AP1S3: variants seen among roughly 807,000 people sequenced by gnomAD.
AP1S3 encodes adaptor related protein complex 1 subunit sigma 3.
In AP1S3, 10 loss-of-function variants were observed where a neutral mutation model predicts 20.9. That is an observed-to-expected ratio of 0.48 (90% CI 0.29 to 0.81). The LOEUF is 0.81. AP1S3 is among the 30% of genes least tolerant of loss of function. The pLI is 0.08. For missense variants in AP1S3, 154 were observed against 183.8 expected (o/e 0.84, Z 0.94); for synonymous variants, 41 against 61.5 (o/e 0.67, Z 1.56).
At chr2:223,833,041 T>C (rs1237001750) in intron 1 of AP1S3, among the ~76,000 whole-genome samples, 1 of 152,104 alleles carries the variant, frequency 6.6e-6, no homozygotes, top group African/African-American at 2.4e-5. Flanking sequence ...GTTATTCATG[T>C]TTCCAAAGGG....
Position 223,776,018 on chromosome 2 carries a change from G to T in AP1S3, c.183-9C>A. 6.2e-7 allele frequency: 1 copy of T among 1,609,022 alleles called. No individual in the cohort carries two copies. The highest frequency in any genetic ancestry group is 8.5e-7 in the Non-Finnish European group (1 of 1,176,226). Reference sequence around the variant, plus strand: ...AATATAAACTAGCATACCTTGAAATGAAAAATAACAAAAGCAAAATATGAC... The same window carrying T: ...AATATAAACTAGCATACCTTGAAATTAAAAATAACAAAAGCAAAATATGAC... On this transcript the variant is annotated splice_polypyrimidine_tract_variant and intron_variant, in intron 2 of 4. Coordinates refer to ENST00000396654, the MANE Select transcript of AP1S3 (RefSeq NM_001039569.2).
chr2:223,792,193 C>A (rs898862784), intron 1 of AP1S3, among the ~76,000 whole-genome samples: 2 of 152,180 alleles, frequency 1.3e-5, no homozygotes, highest in Admixed American at 6.5e-5. Flanking sequence ...ATAGCCAAGA[C>A]AATCCTAAGC....
rs139475867 is a variant in AP1S3, at chr2:223,786,786, T to G, written c.4-8917A>C. ...CAGGCATGGTGGCACACAATTGCAGTCCCAACTACTTGGGGGACTAAGGCA... is the reference window on the plus strand; with the variant it reads ...CAGGCATGGTGGCACACAATTGCAGGCCCAACTACTTGGGGGACTAAGGCA... On this transcript the variant is annotated intron_variant, in intron 1 of 4. Transcript: ENST00000396654. Among the ~76,000 whole-genome samples the G allele has an allele frequency of 3.3e-5, 5 of 152,106 alleles. No homozygotes were observed. The Middle Eastern group carries it at 0.01, about 310-fold the overall frequency.
At position 223,777,805 on chromosome 2, in the gene AP1S3, A is replaced by G; in HGVS notation, c.68T>C (p.Leu23Pro). The G allele has an allele frequency of 1.2e-6, 2 of 1,614,122 alleles. No homozygotes were observed. The highest frequency in any genetic ancestry group is 1.1e-5 in the South Asian group (1 of 91,080). The change falls in exon 2 of 5, where the codon CTC (leucine) becomes CCC (proline). Residue 23 changes from leucine (L) to proline (P), a missense_variant. Coordinates refer to ENST00000396654, the MANE Select transcript of AP1S3 (RefSeq NM_001039569.2). ...KLRLQKWYIT[L>P]PDKERKKITR... The stretch of plus-strand genomic sequence containing the variant: ...GATCTTCTTCCTCTCTTTATCAGGG[A>G]GAGTGATGTACCATTTCTGTAGCCG...
At chr2:223,778,548 A>T (rs1287509309) in intron 1 of AP1S3, among the ~76,000 whole-genome samples, 1 of 152,224 alleles carries the variant, frequency 6.6e-6, no homozygotes, top group Admixed American at 6.5e-5. Context: ...AGTGTTAAGA[A>T]CAACAGAAGG....
intron 1 of AP1S3, among the ~76,000 whole-genome samples, chr2:223,801,316 C>T (rs1318064949): frequency 1.3e-5 from 2 of 152,156 alleles, no homozygotes; most frequent in East Asian, 3.8e-4. Flanking sequence ...GCTTTGATTC[C>T]AGAGCCCATT....
chr2:223,791,551 T>C (rs1023823339), intron 1 of AP1S3, among the ~76,000 whole-genome samples: 2 of 152,146 alleles, frequency 1.3e-5, no homozygotes, highest in Non-Finnish European at 2.9e-5. Context: ...ATAAGGCCAT[T>C]TGTGACAAAA....
intron 1 of AP1S3, among the ~76,000 whole-genome samples, chr2:223,800,169 C>G (rs1346541448): frequency 6.7e-6 from 1 of 150,146 alleles, no homozygotes; most frequent in East Asian, 2.0e-4. Flanking sequence ...GAGCTGAGAT[C>G]GTACCACTGC....
chr2:223,819,757 T>C (rs1012404555), intron 1 of AP1S3, among the ~76,000 whole-genome samples: 2 of 152,154 alleles, frequency 1.3e-5, no homozygotes, highest in African/African-American at 4.8e-5. Context: ...TCTAAATTAG[T>C]AGTATATTAT....
At chr2:223,830,924 C>A (rs6436439) in intron 1 of AP1S3, among the ~76,000 whole-genome samples, 1 of 151,920 alleles carries the variant, frequency 6.6e-6, no homozygotes, top group African/African-American at 2.4e-5. Context: ...TCATGATTGT[C>A]GATAACATTC....
intron 1 of AP1S3, among the ~76,000 whole-genome samples, chr2:223,798,444 C>T (rs1330504576): frequency 6.6e-6 from 1 of 152,174 alleles, no homozygotes; most frequent in Non-Finnish European, 1.5e-5. Flanking sequence ...AATGGAATAA[C>T]ACAGAAACAA....
intron 3 of AP1S3, among the ~76,000 whole-genome samples, chr2:223,766,104 T>C (rs1690472297): frequency 6.6e-6 from 1 of 152,148 alleles, no homozygotes; most frequent in Non-Finnish European, 1.5e-5. Flanking sequence ...ATCCTTGCTG[T>C]CTTACTCCCT....
chr2:223,760,324 C>T (rs564863824), intron 4 of AP1S3, among the ~76,000 whole-genome samples: 16 of 152,316 alleles, frequency 1.1e-4, no homozygotes, highest in African/African-American at 3.9e-4. Flanking sequence ...CCAGGAAATA[C>T]GCTGACTGAC....
chr2:223,758,523 A>G lies in AP1S3; in HGVS notation c.*192T>C. 1 of 1,294,264 alleles carries G rather than the reference A, an allele frequency of 7.7e-7. No individual in the cohort carries two copies. 80.2% of individuals were successfully genotyped at this position (1,294,264 alleles called of 1,614,324 possible). On this transcript the variant is annotated 3_prime_UTR_variant, in exon 5 of 5. Transcript: ENST00000396654. ...CTATACAGTATAACACAGACACATA[A>G]TTTTTTTTAATAATACAGACACATA... is the stretch of plus-strand genomic sequence containing the variant.
chr2:223,781,337 A>G (rs1559281302), intron 1 of AP1S3, among the ~76,000 whole-genome samples: 1 of 152,050 alleles, frequency 6.6e-6, no homozygotes, highest in Non-Finnish European at 1.5e-5. Context: ...CCAATTTAAA[A>G]ACCCTCCTCA....
In AP1S3 at chr2:223,757,650, T is replaced by C. The variant is rs555550325; in HGVS notation, c.*1065A>G. 33 of 985,390 alleles carry C rather than the reference T, an allele frequency of 3.3e-5. No individual in the cohort carries two copies. In the South Asian group the frequency reaches 1.2e-3, roughly 36 times the overall value. 61.0% of individuals were successfully genotyped at this position (985,390 alleles called of 1,614,324 possible). Reference sequence around the variant, plus strand: ...AGGACCTGGTTATACAGAATTTTCATTCCAGGAAGCACAAATGTGATATAC... The same window carrying C: ...AGGACCTGGTTATACAGAATTTTCACTCCAGGAAGCACAAATGTGATATAC... On this transcript the variant is annotated 3_prime_UTR_variant, in exon 5 of 5. Coordinates refer to ENST00000396654, the MANE Select transcript of AP1S3 (RefSeq NM_001039569.2).
chr2:223,805,438 A>G (rs2106114020), intron 1 of AP1S3, among the ~76,000 whole-genome samples: 1 of 152,242 alleles, frequency 6.6e-6, no homozygotes, highest in South Asian at 2.1e-4. Flanking sequence ...GCGAAACTCC[A>G]TCTCAAAAAA....
chr2:223,827,503 C>T (rs1692160615), intron 1 of AP1S3, among the ~76,000 whole-genome samples: 1 of 152,026 alleles, frequency 6.6e-6, no homozygotes, highest in Non-Finnish European at 1.5e-5. Context: ...CTGCCTCAAC[C>T]TCCGAAGTAA....
chr2:223,761,771 C>A (rs565293670), intron 4 of AP1S3, among the ~76,000 whole-genome samples: 12 of 152,082 alleles, frequency 7.9e-5, no homozygotes, highest in African/African-American at 2.9e-4. Flanking sequence ...ACTATGTTGC[C>A]TAGGCTGATC....
Sources: gnomAD v4.1 joint callset for allele counts (sites outside exome capture counted in the v4.1 genomes callset) on GRCh38, gnomAD v4.1.1 for gene constraint, MANE v1.5 for transcripts, NCBI Gene and HGNC (gene_info 2026-07-23, HGNC 2026-07-21) for gene names.